The following CEMIP variants were observed in gnomAD, a reference collection of about 807,000 sequenced individuals.
The protein encoded by CEMIP is cell migration-inducing and hyaluronan-binding protein.
In CEMIP, 105 loss-of-function variants were observed where a neutral mutation model predicts 156.9. The ratio of observed to expected loss-of-function variants is 0.67; its 90% CI spans 0.57 to 0.79. The LOEUF (loss-of-function observed/expected upper bound fraction) is 0.79, where lower values mean the gene tolerates loss of function less well. Ranked by LOEUF, CEMIP falls within the 30% of genes least tolerant of loss-of-function variation. The probability of loss-of-function intolerance (pLI) is 0.00; values close to 1 mark genes in which losing one functional copy is unlikely to be tolerated. For synonymous variants in CEMIP, 676 were observed against 668.4 expected (o/e 1.01, Z -0.17); for missense variants, 1,457 against 1,769.4 (o/e 0.82, Z 3.17).
intron 9 of CEMIP, 137 bp downstream of exon 9, chr15:80,888,933 A>C: frequency 2.4e-6 from 2 of 822,418 alleles, no homozygotes; most frequent in South Asian, 2.8e-5. Context: ...AAAAATGTGC[A>C]ACCAAAAGTT....
At chr15:80,930,517 G>A (rs958177665) in intron 21 of CEMIP, among the ~76,000 whole-genome samples, 1 of 152,226 alleles carries the variant, frequency 6.6e-6, no homozygotes. Context: ...GTCAGGGTCT[G>A]AAGTGCAAAA....
At chr15:80,798,367 A>G (rs890329879) in intron 1 of CEMIP, among the ~76,000 whole-genome samples, 37 of 152,292 alleles carry the variant, frequency 2.4e-4, no homozygotes, top group African/African-American at 8.4e-4. Context: ...AATTTTTACT[A>G]TTAACATTTA....
At chr15:80,863,104 C>G (rs746005590) in intron 1 of CEMIP, among the ~76,000 whole-genome samples, 11 of 152,168 alleles carry the variant, frequency 7.2e-5, no homozygotes, top group Non-Finnish European at 1.6e-4. Context: ...AAGACTTCCC[C>G]TCTAGCTTTA....
In CEMIP at chr15:80,948,993, G is replaced by C; in HGVS notation, c.*69G>C. The stretch of plus-strand genomic sequence containing the variant: ...TGACTCTTGGCAGCAGACCAGTGGG[G>C]GATGGCTGGGTCCCCCAGCCCCTGC... On this transcript the variant is annotated 3_prime_UTR_variant, in exon 30 of 30. Coordinates refer to ENST00000394685, the MANE Select transcript of CEMIP (RefSeq NM_001293298.2). 6 of 1,600,822 alleles carry C rather than the reference G, an allele frequency of 3.7e-6. No homozygotes were observed. The highest frequency in any genetic ancestry group is 5.1e-6 in the Non-Finnish European group (6 of 1,169,482).
In CEMIP at chr15:80,929,086, A is replaced by T; in HGVS notation, c.2524A>T (p.Ser842Cys). 6 of 1,614,200 alleles carry T rather than the reference A, an allele frequency of 3.7e-6. No individual in the cohort carries two copies. The highest frequency in any genetic ancestry group is 5.1e-6 in the Non-Finnish European group (6 of 1,180,042). ...AAAGAACAGCTTGTTTGTTGGCGAG[A>T]GTGGCAACGTGGGGACGGAAATGAT... is the stretch of plus-strand genomic sequence containing the variant. ...EIKNSLFVGE[S>C]GNVGTEMMDN... Residue 842 changes from serine (S) to cysteine (C), a missense_variant, in exon 21 of 30, where the codon AGT becomes TGT. Ser to Cys is a moderately radical substitution (Grantham distance 112). Transcript: ENST00000394685.
At chr15:80,882,411 A>C (rs1054509014) in intron 6 of CEMIP, among the ~76,000 whole-genome samples, 6 of 152,194 alleles carry the variant, frequency 3.9e-5, no homozygotes, top group African/African-American at 1.4e-4. Flanking sequence ...TGGGATTCAA[A>C]CCCAGGTGTG....
chr15:80,886,953 C>T (rs910764348), intron 7 of CEMIP, among the ~76,000 whole-genome samples: 1 of 152,220 alleles, frequency 6.6e-6, no homozygotes, highest in Non-Finnish European at 1.5e-5. Flanking sequence ...GAAACTCCTT[C>T]CTGCCATTTC....
At chr15:80,829,999 T>C (rs1387150763) in intron 1 of CEMIP, among the ~76,000 whole-genome samples, 13 of 149,010 alleles carry the variant, frequency 8.7e-5, no homozygotes, top group African/African-American at 2.3e-4. Flanking sequence ...TGTGTGTGTG[T>C]GTGCGCGCAT....
chr15:80,904,437 C>G (rs189480744), intron 12 of CEMIP, among the ~76,000 whole-genome samples: 1 of 152,074 alleles, frequency 6.6e-6, no homozygotes, highest in African/African-American at 2.4e-5. Context: ...AATAATGACC[C>G]CTAAATATAT....
intron 25 of CEMIP, among the ~76,000 whole-genome samples, chr15:80,940,252 G>A (rs1901287655): frequency 1.3e-5 from 2 of 152,204 alleles, no homozygotes; most frequent in South Asian, 4.1e-4. Context: ...ACACATCCAA[G>A]TTGTAGGTCA....
intron 11 of CEMIP, 81 bp downstream of exon 11, chr15:80,895,203 C>T: frequency 1.3e-6 from 2 of 1,580,592 alleles, no homozygotes; most frequent in Non-Finnish European, 1.7e-6. Flanking sequence ...AACTTCCAGA[C>T]CTCTCAGTGA....
chr15:80,842,302 C>G (rs1219945060), intron 1 of CEMIP, among the ~76,000 whole-genome samples: 1 of 152,116 alleles, frequency 6.6e-6, no homozygotes, highest in Non-Finnish European at 1.5e-5. Flanking sequence ...TGGCCTTTCT[C>G]CCCCACCAGG....
At chr15:80,907,842 CATA>C (rs1244894110) in intron 13 of CEMIP, among the ~76,000 whole-genome samples, 1 of 152,266 alleles carries the variant, frequency 6.6e-6, no homozygotes, top group East Asian at 1.9e-4. Flanking sequence ...ATGCCAATAG[CATA>C]ATATTACCTC....
chr15:80,874,358 A>G (rs780120953), intron 3 of CEMIP, among the ~76,000 whole-genome samples: 30 of 152,178 alleles, frequency 2.0e-4, no homozygotes, highest in Non-Finnish European at 1.3e-4. Context: ...CCCCTTTTGC[A>G]GGATCTGAAT....
rs111945318 is a variant in CEMIP at position 80,857,152 on chromosome 15, C to G, written c.-175-16386C>G. On this transcript the variant is annotated intron_variant, in intron 1 of 29. Coordinates refer to ENST00000394685, the MANE Select transcript of CEMIP (RefSeq NM_001293298.2). ...GGGCAGAGGGAGGAGTAGAGAAAGT[C>G]TATCTGCTGTGCAAACATTCCCTGT... is the stretch of plus-strand genomic sequence containing the variant. 7.0e-3 allele frequency among the ~76,000 whole-genome samples: 1,059 copies of G among 152,338 alleles called. 12 individuals are homozygous for G. Among genetic ancestry groups the G allele is most frequent in the African/African-American group, 0.024 (1,015 of 41,574 alleles).
At chr15:80,780,510 C>T (rs993493360) in intron 1 of CEMIP, among the ~76,000 whole-genome samples, 2 of 152,228 alleles carry the variant, frequency 1.3e-5, no homozygotes, top group Admixed American at 6.5e-5. Context: ...CCGCTGTTCC[C>T]CAAGGGTCGG....
At position 80,893,194 on chromosome 15, in the gene CEMIP, T is replaced by TG. The variant is rs1228725952; in HGVS notation, c.1087-1796_1087-1795insG. ...GAGGCTCTGTCTCAAAATAAATAAA[T>TG]AAATGAAATGAAATGAAATGAAATA... On this transcript the variant is annotated intron_variant, in intron 10 of 29. Transcript: ENST00000394685. Among the ~76,000 whole-genome samples the TG allele has an allele frequency of 7.2e-5, 11 of 151,862 alleles. No homozygotes were observed. The East Asian group carries it at 1.4e-3, about 19-fold the overall frequency.
chr15:80,900,165 G>A (rs1899413688), intron 12 of CEMIP, among the ~76,000 whole-genome samples: 1 of 152,204 alleles, frequency 6.6e-6, no homozygotes, highest in Admixed American at 6.5e-5. Flanking sequence ...CTGTGGTGCC[G>A]AGGGTGGCCC....
At position 80,877,603 on chromosome 15, in the gene CEMIP, T is replaced by C. The variant is rs114611451; in HGVS notation, c.95-1118T>C. Reference sequence around the variant, plus strand: ...TTCCCACCTGTTTCCCTCTGGATTTTCCATGCTATTGATGGAGATTGTTCC... The same window carrying C: ...TTCCCACCTGTTTCCCTCTGGATTTCCCATGCTATTGATGGAGATTGTTCC... On this transcript the variant is annotated intron_variant, in intron 3 of 29. Coordinates refer to ENST00000394685, the MANE Select transcript of CEMIP (RefSeq NM_001293298.2). Among the ~76,000 whole-genome samples the C allele has an allele frequency of 6.2e-3, 948 of 152,352 alleles. 9 individuals carry two copies. The highest frequency in any genetic ancestry group is 0.022 in the African/African-American group (901 of 41,580).
Sources: gnomAD v4.1 joint callset for allele counts (sites outside exome capture counted in the v4.1 genomes callset) on GRCh38, gnomAD v4.1.1 for gene constraint, MANE v1.5 for transcripts, NCBI Gene and HGNC (gene_info 2026-07-23, HGNC 2026-07-21) for gene names.